The following LMTK2 variants were observed in gnomAD, a reference collection of about 807,000 sequenced individuals.
LMTK2 encodes lemur tail kinase 2.
LMTK2 carries 37 observed loss-of-function variants against 127.5 expected under a neutral mutation model. The ratio of observed to expected loss-of-function variants is 0.29; its 90% CI spans 0.22 to 0.38. LMTK2 has a LOEUF of 0.38. Among genes scored for constraint, LMTK2 ranks in the 10% least tolerant of loss-of-function variants. LMTK2 has a pLI of 1.00. For synonymous variants in LMTK2, 819 were observed against 810.1 expected (o/e 1.01, Z -0.19); for missense variants, 1,694 against 1,920.3 (o/e 0.88, Z 2.20).
At chr7:98,180,357 T>C (rs1562916601) in intron 7 of LMTK2, among the ~76,000 whole-genome samples, 2 of 152,254 alleles carry the variant, frequency 1.3e-5, no homozygotes, top group Non-Finnish European at 2.9e-5. Context: ...AGTTTACAAC[T>C]TAAAACTATA....
chr7:98,205,441 C>G, intron 13 of LMTK2, 23 bp from the exon 14 acceptor site: 5 of 1,613,722 alleles, frequency 3.1e-6, no homozygotes, highest in Non-Finnish European at 4.2e-6. Context: ...GCTTTGTCGT[C>G]TCGCTTCCTC....
At chr7:98,107,876 T>C (rs1396480643) in intron 1 of LMTK2, among the ~76,000 whole-genome samples, 1 of 152,180 alleles carries the variant, frequency 6.6e-6, no homozygotes, top group Non-Finnish European at 1.5e-5. Context: ...ATTGACAAAC[T>C]GGCTTAAGGG....
intron 1 of LMTK2, among the ~76,000 whole-genome samples, chr7:98,125,099 C>T (rs1243617259): frequency 1.3e-5 from 2 of 151,834 alleles, no homozygotes; most frequent in Admixed American, 6.6e-5. Flanking sequence ...GTCAGGAGAT[C>T]GAGACCATCC....
chr7:98,130,909 T>C (rs1796511887), intron 1 of LMTK2, among the ~76,000 whole-genome samples: 1 of 152,196 alleles, frequency 6.6e-6, no homozygotes, highest in Non-Finnish European at 1.5e-5. Context: ...ATATCAAGAG[T>C]AGGCAAGAAT....
intron 1 of LMTK2, among the ~76,000 whole-genome samples, chr7:98,122,716 GTGTGTGTGTGTATA>G (rs747924664): frequency 0.18 from 5,619 of 31,144 alleles, 401 homozygotes; most frequent in African/African-American, 0.33. Context: ...GTGTGTGTGT[GTGTGTGTGTGTATA>G]TATATAACTG....
At chr7:98,163,584 G>A (rs780954119) in intron 6 of LMTK2, among the ~76,000 whole-genome samples, 2 of 152,210 alleles carry the variant, frequency 1.3e-5, no homozygotes, top group Non-Finnish European at 2.9e-5. Context: ...GGCCTGACAG[G>A]GTTCTTGGCA....
At chr7:98,159,571 G>A (rs1796982539) in intron 6 of LMTK2, 146 bp downstream of exon 6, 1 of 647,824 alleles carries the variant, frequency 1.5e-6, no homozygotes, top group African/African-American at 1.9e-5. Flanking sequence ...TATTCCCTTT[G>A]GTGATGGTGA....
intron 3 of LMTK2, among the ~76,000 whole-genome samples, chr7:98,143,793 G>A (rs1277435584): frequency 1.3e-5 from 2 of 152,126 alleles, no homozygotes; most frequent in Admixed American, 6.5e-5. Flanking sequence ...TTTATCTTTA[G>A]GAACTAATTG....
At position 98,194,371 on chromosome 7, in the gene LMTK2, C is replaced by G; in HGVS notation, c.3906C>G (p.Asn1302Lys). Residue 1302 changes from asparagine to lysine, a missense_variant, in exon 11 of 14, where the codon AAC becomes AAG. Physicochemically the swap from Asn to Lys is moderately conservative, Grantham distance 94 (BLOSUM62 0). This residue lies in a region of LMTK2 where 554 missense variants were observed against 567.7 expected (regional missense o/e 0.98). Coordinates refer to ENST00000297293, the MANE Select transcript of LMTK2 (RefSeq NM_014916.4). This position sits in a 1 kb window ranked among gnomAD's most constrained non-coding sequence, Gnocchi z 5.4. ...CGGACGAGGACCTGCGGGCCTTCAA[C>G]CTGCATAGCCTCAGCTCCGAGTCGG... ...DDSDEDLRAF[N>K]LHSLSSESED... The G allele has an allele frequency of 1.9e-6, 3 of 1,614,174 alleles. No individual in the cohort carries two copies. The highest frequency in any genetic ancestry group is 1.7e-6 in the Non-Finnish European group (2 of 1,180,030).
intron 7 of LMTK2, among the ~76,000 whole-genome samples, chr7:98,180,924 C>T (rs1224696210): frequency 2.0e-5 from 3 of 151,856 alleles, no homozygotes; most frequent in African/African-American, 4.8e-5. Context: ...GTTCCGTGAG[C>T]GCCCGGCAGA....
chr7:98,148,932 G>C (rs1350634021), intron 3 of LMTK2, among the ~76,000 whole-genome samples: 1 of 152,204 alleles, frequency 6.6e-6, no homozygotes, highest in East Asian at 1.9e-4. Context: ...ATCTACATGG[G>C]AGCTTTCCAA....
At chr7:98,128,088 G>T (rs1026511573) in intron 1 of LMTK2, among the ~76,000 whole-genome samples, 1 of 152,168 alleles carries the variant, frequency 6.6e-6, no homozygotes, top group South Asian at 2.1e-4. Flanking sequence ...AGGTTGCAGT[G>T]AGCCAAGATC....
chr7:98,185,807 C>G (rs1186208135), intron 8 of LMTK2, among the ~76,000 whole-genome samples: 1 of 151,766 alleles, frequency 6.6e-6, no homozygotes, highest in African/African-American at 2.4e-5. Context: ...AGCAACTTGC[C>G]TGCCTTGGCC....
chr7:98,134,621 C>T (rs745651916), intron 1 of LMTK2, among the ~76,000 whole-genome samples: 29 of 151,410 alleles, frequency 1.9e-4, no homozygotes, highest in Non-Finnish European at 2.7e-4. Flanking sequence ...TCAAGACCAG[C>T]CTGGACAACA....
In LMTK2 at chr7:98,205,762, G is replaced by A. The variant is rs984852406; in HGVS notation, c.*270G>A. 2 of 546,346 alleles carry A rather than the reference G, an allele frequency of 3.7e-6. No homozygotes were observed. The highest frequency in any genetic ancestry group is 6.6e-6 in the Non-Finnish European group (2 of 302,584). 33.8% of individuals were successfully genotyped at this position (546,346 alleles called of 1,614,324 possible). ...GCCTCCCAGGCAGTGCTCATGCGCT[G>A]GCCGTCGGGGGAGGCAGGGGCACAG... is the stretch of plus-strand genomic sequence containing the variant. On this transcript the variant is annotated 3_prime_UTR_variant, in exon 14 of 14. Transcript: ENST00000297293.
Position 98,203,625 on chromosome 7 carries a change from G to T in LMTK2, c.4159G>T (p.Asp1387Tyr). Residue 1387 changes from aspartate to tyrosine, a missense_variant, in exon 12 of 14, where the codon GAC becomes TAC. By Grantham distance (160) the Asp-to-Tyr change is radical (BLOSUM62 -3). Coordinates refer to ENST00000297293, the MANE Select transcript of LMTK2 (RefSeq NM_014916.4). The stretch of plus-strand genomic sequence containing the variant: ...CTGTGGAGGAGAGGCGTGCGGCCCG[G>T]ACCTGAGCGGCCCAGCCCCAGCCTC... The part of the protein sequence containing the change: ...GPCGGEACGP[D>Y]LSGPAPASGS... The T allele has an allele frequency of 6.2e-7, 1 of 1,613,152 alleles. No individual in the cohort carries two copies. The highest frequency in any genetic ancestry group is 1.3e-5 in the African/African-American group (1 of 74,996).
At chr7:98,186,824 C>T in intron 8 of LMTK2, 53 bp from the exon 9 acceptor site, 1 of 1,521,512 alleles carries the variant, frequency 6.6e-7, no homozygotes, top group Non-Finnish European at 9.0e-7. Context: ...AATTCTTGAA[C>T]TCACCAAAAG....
chr7:98,142,102 A>G (rs1796708028), intron 3 of LMTK2, among the ~76,000 whole-genome samples: 1 of 152,204 alleles, frequency 6.6e-6, no homozygotes, highest in African/African-American at 2.4e-5. Flanking sequence ...TGGTCTTAAG[A>G]AATTCTTATT....
intron 7 of LMTK2, among the ~76,000 whole-genome samples, chr7:98,174,976 C>T (rs1305518287): frequency 6.6e-6 from 1 of 152,176 alleles, no homozygotes; most frequent in African/African-American, 2.4e-5. Flanking sequence ...ATTTGCAGAA[C>T]GTTCTGTGAG....
Sources: allele counts gnomAD v4.1 joint callset (sites outside exome capture counted in the v4.1 genomes callset), GRCh38; gene constraint gnomAD v4.1.1; regional missense constraint gnomAD v4.1.1; non-coding constraint Gnocchi (gnomAD v3.1); transcripts MANE v1.5; gene names NCBI Gene and HGNC (gene_info 2026-07-23, HGNC 2026-07-21).